The following CNTN4 variants were observed in gnomAD, a reference collection of about 807,000 sequenced individuals.
The protein encoded by CNTN4 is contactin 4.
A neutral mutation model predicts 122.5 loss-of-function variants in CNTN4; 77 were observed. The observed-to-expected ratio is 0.63, with a 90% CI of 0.52 to 0.76. CNTN4 has a LOEUF of 0.76. Ranked by LOEUF, CNTN4 falls within the 30% of genes least tolerant of loss-of-function variation. CNTN4 has a pLI of 0.00. For synonymous variants in CNTN4, 512 were observed against 447.0 expected (o/e 1.15, Z -1.83); for missense variants, 1,256 against 1,259.1 (o/e 1.00, Z 0.04).
At chr3:2,369,987 C>T (rs1307539994) in intron 3 of CNTN4, among the ~76,000 whole-genome samples, 1 of 152,066 alleles carries the variant, frequency 6.6e-6, no homozygotes. Flanking sequence ...ATTAATTTTC[C>T]AAAGAGCCTC....
intron 6 of CNTN4, among the ~76,000 whole-genome samples, chr3:2,770,307 C>T (rs2091036504): frequency 6.6e-6 from 1 of 152,162 alleles, no homozygotes; most frequent in African/African-American, 2.4e-5. Context: ...GGATTACAGG[C>T]GTGAGCCACC....
chr3:2,119,252 C>T (rs867680689), intron 2 of CNTN4, among the ~76,000 whole-genome samples: 1 of 152,196 alleles, frequency 6.6e-6, no homozygotes, highest in South Asian at 2.1e-4. Context: ...TGCCAACCTC[C>T]ATAATCACGT....
intron 13 of CNTN4, among the ~76,000 whole-genome samples, chr3:2,980,753 A>C (rs1052807716): frequency 2.0e-5 from 3 of 152,176 alleles, no homozygotes; most frequent in Non-Finnish European, 2.9e-5. Context: ...TTCAAATGGG[A>C]CTTCCGGCTT....
intron 4 of CNTN4, among the ~76,000 whole-genome samples, chr3:2,617,025 C>A (rs1576233145): frequency 6.6e-6 from 1 of 152,068 alleles, no homozygotes. Flanking sequence ...TAAAAACCAA[C>A]ACCATCAAAG....
chr3:2,218,886 A>G (rs1218162378), intron 2 of CNTN4, among the ~76,000 whole-genome samples: 2 of 152,210 alleles, frequency 1.3e-5, no homozygotes, highest in Non-Finnish European at 1.5e-5. Flanking sequence ...AAAATGTGTC[A>G]TCTTCCTTTC....
intron 3 of CNTN4, among the ~76,000 whole-genome samples, chr3:2,456,340 T>A (rs185840496): frequency 6.6e-6 from 1 of 152,130 alleles, no homozygotes; most frequent in Non-Finnish European, 1.5e-5. Context: ...TCAAATTGTA[T>A]ATATTTATTT....
At chr3:2,816,820 CAAAAAA>C (rs538762827) in intron 6 of CNTN4, among the ~76,000 whole-genome samples, 3 of 73,230 alleles carry the variant, frequency 4.1e-5, no homozygotes, top group Admixed American at 1.9e-4. Context: ...ACTCTGTCTC[CAAAAAA>C]AAAAAAAAAA....
intron 3 of CNTN4, among the ~76,000 whole-genome samples, chr3:2,467,125 A>C (rs1192620050): frequency 8.7e-5 from 13 of 149,102 alleles, no homozygotes; most frequent in Non-Finnish European, 8.9e-5. Flanking sequence ...TGATATGCAA[A>C]ATTATGGGTT....
Position 2,887,242 on chromosome 3 carries a change from G to A in CNTN4, c.940+18G>A. 1 of 1,607,048 alleles carries A rather than the reference G, an allele frequency of 6.2e-7. No individual in the cohort carries two copies. Among genetic ancestry groups the A allele is most frequent in the Non-Finnish European group, 8.5e-7 (1 of 1,177,006 alleles). ...TTTCTATGGTAAGTGTATGATTTCA[G>A]TTTATCATTTATAGTGCTACAGAAC... is the stretch of plus-strand genomic sequence containing the variant. On this transcript the variant is annotated intron_variant, in intron 10 of 24. Coordinates refer to ENST00000418658, the MANE Select transcript of CNTN4 (RefSeq NM_175607.3).
At chr3:2,851,216 A>T (rs538953187) in intron 7 of CNTN4, among the ~76,000 whole-genome samples, 2 of 152,210 alleles carry the variant, frequency 1.3e-5, no homozygotes, top group Non-Finnish European at 2.9e-5. Context: ...AATCATCTTA[A>T]TCCATCTCTC....
chr3:2,761,825 A>G (rs1287804724), intron 6 of CNTN4, among the ~76,000 whole-genome samples: 1 of 152,144 alleles, frequency 6.6e-6, no homozygotes, highest in African/African-American at 2.4e-5. Context: ...CTAAGAAGGG[A>G]TTATTATTAA....
At chr3:2,099,227 C>G (rs953466141) in intron 1 of CNTN4, 1 of 152,338 alleles carries the variant, frequency 6.6e-6, no homozygotes, top group Non-Finnish European at 1.5e-5. Context: ...CTCAGGGCCC[C>G]GACGACGCCA....
intron 3 of CNTN4, among the ~76,000 whole-genome samples, chr3:2,354,472 C>T (rs559171745): frequency 2.6e-5 from 4 of 152,068 alleles, no homozygotes; most frequent in South Asian, 2.1e-4. Flanking sequence ...CGGAGGTTAC[C>T]GTGAGCCCAG....
intron 3 of CNTN4, among the ~76,000 whole-genome samples, chr3:2,355,088 C>T (rs1575446198): frequency 6.6e-6 from 1 of 152,274 alleles, no homozygotes; most frequent in Non-Finnish European, 1.5e-5. Context: ...GTGAATGCCC[C>T]CAAGCTAGCA....
At chr3:2,351,657 T>C (rs2044629265) in intron 3 of CNTN4, among the ~76,000 whole-genome samples, 1 of 152,216 alleles carries the variant, frequency 6.6e-6, no homozygotes, top group South Asian at 2.1e-4. Flanking sequence ...TTATGAATTC[T>C]TTATTTCTGG....
chr3:2,688,626 A>G (rs768699217), intron 4 of CNTN4, among the ~76,000 whole-genome samples: 1 of 152,230 alleles, frequency 6.6e-6, no homozygotes, highest in Non-Finnish European at 1.5e-5. Flanking sequence ...CAGTGCAGAC[A>G]GCTTGATAAT....
In CNTN4 at chr3:2,252,568, A is replaced by G. The variant is rs116571933; in HGVS notation, c.-144-86610A>G. Reference sequence around the variant, plus strand: ...GAAAGCAAAGGTAACTCTTACTACTATTTCATAGACCATCTCTTTGATTTT... The same window carrying G: ...GAAAGCAAAGGTAACTCTTACTACTGTTTCATAGACCATCTCTTTGATTTT... On this transcript the variant is annotated intron_variant, in intron 2 of 24. Transcript: ENST00000418658. 3.3e-3 allele frequency among the ~76,000 whole-genome samples: 508 copies of G among 152,186 alleles called. 2 individuals carry two copies. Among genetic ancestry groups the G allele is most frequent in the African/African-American group, 0.012 (487 of 41,564 alleles).
intron 2 of CNTN4, among the ~76,000 whole-genome samples, chr3:2,300,717 G>A (rs549254721): frequency 1.9e-4 from 29 of 151,408 alleles, no homozygotes; most frequent in Admixed American, 1.6e-3. Context: ...GATCACAGGC[G>A]CGCGCCACCA....
chr3:2,200,480 G>T (rs560192069), intron 2 of CNTN4, among the ~76,000 whole-genome samples: 2 of 152,032 alleles, frequency 1.3e-5, no homozygotes, highest in African/African-American at 4.8e-5. Flanking sequence ...AGGGGGAGGG[G>T]TTCTATTACT....
Sources: gnomAD v4.1 joint callset for allele counts (sites outside exome capture counted in the v4.1 genomes callset) on GRCh38, gnomAD v4.1.1 for gene constraint, MANE v1.5 for transcripts, NCBI Gene and HGNC (gene_info 2026-07-23, HGNC 2026-07-21) for gene names.